The following CEP63 variants were observed in gnomAD, a reference collection of about 807,000 sequenced individuals.
CEP63 encodes the protein centrosomal protein 63, also known as centrosomal protein of 63 kDa.
CEP63 carries 84 observed loss-of-function variants against 89.1 expected under a neutral mutation model. The observed-to-expected ratio is 0.94, with a 90% CI of 0.79 to 1.13. The LOEUF (loss-of-function observed/expected upper bound fraction) is 1.13, where lower values mean the gene tolerates loss of function less well. Among genes scored for constraint, CEP63 ranks in the 50% most tolerant of loss-of-function variants. CEP63 has a pLI of 0.00. For missense variants in CEP63, 838 were observed against 813.3 expected, an observed-to-expected ratio of 1.03 and a Z score of -0.37; for synonymous variants, 267 against 272.5, an observed-to-expected ratio of 0.98 and a Z score of 0.20.
the CEP63 span, among the ~76,000 whole-genome samples, chr3:134,756,044 T>G: frequency 6.6e-6 from 1 of 152,208 alleles, no homozygotes; most frequent in Admixed American, 6.5e-5. Context: ...GCAGGTTGTA[T>G]AGAGGAGCTT....
intron 3 of CEP63, among the ~76,000 whole-genome samples, chr3:134,508,623 A>G (rs1033108487): frequency 2.6e-5 from 4 of 152,198 alleles, no homozygotes; most frequent in African/African-American, 9.6e-5. Context: ...TAGTCACTGT[A>G]ATGCTAAATT....
chr3:134,620,739 G>C, the CEP63 span: 1 of 1,603,874 alleles, frequency 6.2e-7, no homozygotes, highest in Non-Finnish European at 8.5e-7. Context: ...AATTCCACAG[G>C]GGGGCCTACC....
intron 12 of CEP63, among the ~76,000 whole-genome samples, chr3:134,557,779 A>G (rs995696537): frequency 1.3e-5 from 2 of 152,088 alleles, no homozygotes; most frequent in Admixed American, 1.3e-4. Context: ...GTTTTCTTTC[A>G]TTAGTATTCT....
At chr3:134,579,169 T>G (rs1958288100), downstream of CEP63, among the ~76,000 whole-genome samples, 2 of 152,244 alleles carry the variant, frequency 1.3e-5, no homozygotes, top group African/African-American at 2.4e-5. Flanking sequence ...TGTGATTTCA[T>G]GTATTATAAG....
At chr3:134,574,855 G>A in exon 12 of CEP63, 1 of 613,778 alleles carries the variant, frequency 1.6e-6, no homozygotes, top group Non-Finnish European at 3.0e-6. Context: ...CAATCCGCCA[G>A]CCTCAGCGTC....
downstream of CEP63, among the ~76,000 whole-genome samples, chr3:134,589,186 T>A (rs975148250): frequency 9.2e-5 from 14 of 152,086 alleles, no homozygotes; most frequent in Non-Finnish European, 2.1e-4. Context: ...GGGAAATAAT[T>A]CTCTTCTCAT....
downstream of CEP63, among the ~76,000 whole-genome samples, chr3:134,578,339 T>TGTTTGG (rs1560077899): frequency 7.2e-6 from 1 of 138,116 alleles, no homozygotes; most frequent in Non-Finnish European, 1.6e-5. Flanking sequence ...TTTTTTTTTT[T>TGTTTGG]TTTTTTTTGA....
At chr3:134,719,169 T>C in the CEP63 span, among the ~76,000 whole-genome samples, 4 of 152,120 alleles carry the variant, frequency 2.6e-5, no homozygotes, top group African/African-American at 4.8e-5. Context: ...GCATCTTTTT[T>C]TTTTTCTTTT....
chr3:134,744,060 C>G, the CEP63 span, among the ~76,000 whole-genome samples: 1 of 152,150 alleles, frequency 6.6e-6, no homozygotes, highest in Non-Finnish European at 1.5e-5. Context: ...CCACCCCCAG[C>G]CATCCAGCTA....
At position 134,551,613 on chromosome 3, in the gene CEP63, T is replaced by G. The variant is rs1410329559; in HGVS notation, c.1381-313T>G. Among the ~76,000 whole-genome samples, 3 of 151,946 alleles carry G rather than the reference T, an allele frequency of 2.0e-5. No homozygotes were observed. The South Asian group carries it at 6.2e-4, about 32-fold the overall frequency. ...ATGGGTAGGGATTTAAGGGGTTCAGTGGATTGAAACTTTGCTGCTTTGTCA... is the reference window on the plus strand; with the variant it reads ...ATGGGTAGGGATTTAAGGGGTTCAGGGGATTGAAACTTTGCTGCTTTGTCA... On this transcript the variant is annotated intron_variant, in intron 11 of 14. Transcript: ENST00000675561.
chr3:134,743,902 G>A, the CEP63 span, among the ~76,000 whole-genome samples: 377 of 152,154 alleles, frequency 2.5e-3, 13 homozygotes, highest in Admixed American at 0.023. Context: ...AATTTACAAC[G>A]TTGCCTCTCA....
the CEP63 span, among the ~76,000 whole-genome samples, chr3:134,704,317 G>A: frequency 6.6e-6 from 1 of 152,126 alleles, no homozygotes; most frequent in East Asian, 1.9e-4. Context: ...CAGTCTGTGA[G>A]CTCCCTGAGG....
the CEP63 span, among the ~76,000 whole-genome samples, chr3:134,750,577 C>G: frequency 6.6e-6 from 1 of 152,136 alleles, no homozygotes; most frequent in East Asian, 1.9e-4. Flanking sequence ...GGCCTTTTTC[C>G]TTGGTACCCA....
chr3:134,701,891 T>G, the CEP63 span, among the ~76,000 whole-genome samples: 1 of 152,120 alleles, frequency 6.6e-6, no homozygotes, highest in Non-Finnish European at 1.5e-5. Flanking sequence ...AGTTTCAGGA[T>G]AAGAGACAGT....
At chr3:134,654,635 TG>T in the CEP63 span, among the ~76,000 whole-genome samples, 1 of 152,220 alleles carries the variant, frequency 6.6e-6, no homozygotes, top group Non-Finnish European at 1.5e-5. Flanking sequence ...GCCTCTTGAC[TG>T]GCCTGGCTTA....
the CEP63 span, among the ~76,000 whole-genome samples, chr3:134,693,969 G>A: frequency 6.6e-6 from 1 of 152,196 alleles, no homozygotes; most frequent in African/African-American, 2.4e-5. Flanking sequence ...GGAAGGCAAT[G>A]GCATCCTGCA....
At chr3:134,532,736 C>T (rs1950088230) in intron 4 of CEP63, 42 bp from the exon 5 acceptor site, 1 of 1,542,930 alleles carries the variant, frequency 6.5e-7, no homozygotes, top group African/African-American at 1.4e-5. Context: ...CTACTTCTTA[C>T]AAATTCTTAA....
chr3:134,619,226 G>C, the CEP63 span: 247 of 1,613,982 alleles, frequency 1.5e-4, 3 homozygotes, highest in Middle Eastern at 8.3e-4. Context: ...GGGTTTGAAG[G>C]CTTGGCGGTC....
chr3:134,753,221 C>G, the CEP63 span, among the ~76,000 whole-genome samples: 2 of 152,296 alleles, frequency 1.3e-5, no homozygotes, highest in African/African-American at 4.8e-5. Flanking sequence ...CTAAGCTGAG[C>G]TCTATATACA....
Sources: gnomAD v4.1 joint callset for allele counts (sites outside exome capture counted in the v4.1 genomes callset) on GRCh38, gnomAD v4.1.1 for gene constraint, MANE v1.5 for transcripts, NCBI Gene and HGNC (gene_info 2026-07-23, HGNC 2026-07-21) for gene names.